The following NRG3 variants were observed in gnomAD, a reference collection of about 807,000 sequenced individuals.
NRG3 encodes the protein pro-neuregulin-3, membrane-bound isoform.
In NRG3, 31 loss-of-function variants were observed where a neutral mutation model predicts 66.9. The observed-to-expected ratio is 0.46, with a 90% CI of 0.35 to 0.63. The LOEUF is 0.63. Ranked by LOEUF, NRG3 falls within the 20% of genes least tolerant of loss-of-function variation. The pLI is 0.00. For missense variants in NRG3, 910 were observed against 878.9 expected, an observed-to-expected ratio of 1.04 and a Z score of -0.45; for synonymous variants, 393 against 359.4, an observed-to-expected ratio of 1.09 and a Z score of -1.06.
chr10:82,974,429 A>C (rs1262137076), intron 7 of NRG3, among the ~76,000 whole-genome samples: 1 of 152,170 alleles, frequency 6.6e-6, no homozygotes, highest in African/African-American at 2.4e-5. Flanking sequence ...TGCTTTGGAG[A>C]AAAAGCCAAA....
Position 82,216,451 on chromosome 10 carries a change from T to TA in NRG3, c.824-142288_824-142287insA, listed in dbSNP as rs759427719. Reference sequence around the variant, plus strand: ...AGATAGTAGAAATTAGAAAATACATTTTATATATATGTGTGTGTGTGTGTG... The same window carrying TA: ...AGATAGTAGAAATTAGAAAATACATTATTATATATATGTGTGTGTGTGTGTG... On this transcript the variant is annotated intron_variant, in intron 1 of 8. Coordinates refer to ENST00000372141, the MANE Select transcript of NRG3 (RefSeq NM_001010848.4). 1.4e-3 allele frequency among the ~76,000 whole-genome samples: 193 copies of TA among 138,076 alleles called. 1 individual carries two copies. Among genetic ancestry groups the TA allele is most frequent in the African/African-American group, 2.8e-3 (96 of 34,016 alleles). 90.6% of individuals were successfully genotyped at this position (138,076 alleles called of 152,430 possible). A position where few individuals can be genotyped will look rare whatever the true frequency, so the allele number is the denominator to read the frequency against.
At chr10:82,408,097 A>AAG (rs1184780876) in intron 2 of NRG3, among the ~76,000 whole-genome samples, 14 of 122,878 alleles carry the variant, frequency 1.1e-4, no homozygotes, top group African/African-American at 4.5e-4. Context: ...GAAAGAAAGA[A>AAG]AGAAAGAAAG....
At chr10:82,406,958 C>A (rs1445424241) in intron 2 of NRG3, among the ~76,000 whole-genome samples, 1 of 151,960 alleles carries the variant, frequency 6.6e-6, no homozygotes, top group Non-Finnish European at 1.5e-5. Flanking sequence ...CATTACTATT[C>A]TTTTTATTAT....
chr10:82,964,449 G>A (rs1851005224), intron 6 of NRG3, among the ~76,000 whole-genome samples: 1 of 152,170 alleles, frequency 6.6e-6, no homozygotes, highest in Admixed American at 6.5e-5. Context: ...GTTTTGTGCT[G>A]TGCCTAGTGT....
chr10:82,815,885 T>C (rs1356509231), intron 3 of NRG3, among the ~76,000 whole-genome samples: 1 of 152,184 alleles, frequency 6.6e-6, no homozygotes, highest in Non-Finnish European at 1.5e-5. Context: ...GTGCACTGGC[T>C]AGGCATGCTG....
intron 1 of NRG3, among the ~76,000 whole-genome samples, chr10:81,909,408 G>A (rs1844906827): frequency 6.6e-6 from 1 of 152,142 alleles, no homozygotes; most frequent in Admixed American, 6.6e-5. Flanking sequence ...ATGAGTGGTG[G>A]TAATGGAGAT....
chr10:82,786,926 C>T lies in NRG3; in HGVS notation c.1027+48276C>T, dbSNP rs562223478. On this transcript the variant is annotated intron_variant, in intron 3 of 8. Transcript: ENST00000372141. Reference sequence around the variant, plus strand: ...TGTCTTGCCCTTCCACCTTCCACTACGGTATGATGCAGCAAGAAGGCTCTC... The same window carrying T: ...TGTCTTGCCCTTCCACCTTCCACTATGGTATGATGCAGCAAGAAGGCTCTC... Among the ~76,000 whole-genome samples the T allele has an allele frequency of 7.2e-5, 11 of 152,178 alleles. No homozygotes were observed. The South Asian group carries it at 1.7e-3, about 23-fold the overall frequency.
chr10:82,038,174 A>C (rs75990957), intron 1 of NRG3, among the ~76,000 whole-genome samples: 4,567 of 152,244 alleles, frequency 0.03, 237 homozygotes, highest in African/African-American at 0.11. Context: ...CAACATTAAG[A>C]GTTCTGAGCA....
At chr10:81,985,054 C>T (rs17726679) in intron 1 of NRG3, among the ~76,000 whole-genome samples, 5,881 of 152,226 alleles carry the variant, frequency 0.039, 146 homozygotes, top group Non-Finnish European at 0.055. Flanking sequence ...GGGAAGGGAC[C>T]AGAGAACAGG....
chr10:82,761,094 A>T (rs1011485510), intron 3 of NRG3, among the ~76,000 whole-genome samples: 20 of 151,888 alleles, frequency 1.3e-4, no homozygotes, highest in African/African-American at 4.3e-4. Context: ...TGAGCTAATT[A>T]TAAAAAAAAC....
chr10:82,894,344 T>A (rs2131823874), intron 4 of NRG3, among the ~76,000 whole-genome samples: 1 of 152,310 alleles, frequency 6.6e-6, no homozygotes, highest in Admixed American at 6.5e-5. Context: ...AAGCCTAGCA[T>A]ATATTTTTTT....
At chr10:82,330,230 A>G (rs2082078270) in intron 1 of NRG3, among the ~76,000 whole-genome samples, 1 of 152,196 alleles carries the variant, frequency 6.6e-6, no homozygotes, top group South Asian at 2.1e-4. Context: ...AAAAATTAGA[A>G]GCTTCTGAAT....
At chr10:82,264,725 C>A (rs1262221809) in intron 1 of NRG3, among the ~76,000 whole-genome samples, 2 of 152,042 alleles carry the variant, frequency 1.3e-5, no homozygotes, top group East Asian at 1.9e-4. Flanking sequence ...ATGAGGACAT[C>A]CTAATGGCCA....
chr10:82,303,315 A>G (rs910261772), intron 1 of NRG3, among the ~76,000 whole-genome samples: 1 of 145,520 alleles, frequency 6.9e-6, no homozygotes, highest in Non-Finnish European at 1.5e-5. Context: ...TTATTCATTT[A>G]CATACTACTG....
At chr10:81,941,394 T>TGGGTAC (rs1158308774) in intron 1 of NRG3, among the ~76,000 whole-genome samples, 3 of 152,144 alleles carry the variant, frequency 2.0e-5, no homozygotes, top group Non-Finnish European at 4.4e-5. Flanking sequence ...AAATGTGCAT[T>TGGGTAC]TCTGAGTGGA....
intron 2 of NRG3, among the ~76,000 whole-genome samples, chr10:82,521,986 C>T (rs570126724): frequency 6.0e-5 from 9 of 150,972 alleles, no homozygotes; most frequent in South Asian, 2.1e-4. Context: ...CTACCCCTAA[C>T]TCTAGTTTTG....
At position 82,011,423 on chromosome 10, in the gene NRG3, A is replaced by G. The variant is rs564963917; in HGVS notation, c.823+135260A>G. 1.2e-4 allele frequency among the ~76,000 whole-genome samples: 18 copies of G among 152,272 alleles called. No homozygotes were observed. In the South Asian group the frequency reaches 3.3e-3, roughly 28 times the overall value. ...TTTGGGTGGGGACACAGAGCCAACC[A>G]TATCATTCCACCCCCGGCCCCTCTC... On this transcript the variant is annotated intron_variant, in intron 1 of 8. Coordinates refer to ENST00000372141, the MANE Select transcript of NRG3 (RefSeq NM_001010848.4).
chr10:82,536,737 G>A (rs1336985741), intron 2 of NRG3, among the ~76,000 whole-genome samples: 1 of 152,016 alleles, frequency 6.6e-6, no homozygotes, highest in Non-Finnish European at 1.5e-5. Context: ...TAATTCAGAG[G>A]GGATTCATCA....
chr10:82,371,489 G>C (rs1013348529), intron 2 of NRG3, among the ~76,000 whole-genome samples: 3 of 152,150 alleles, frequency 2.0e-5, no homozygotes, highest in African/African-American at 7.2e-5. Context: ...CCACTGTAAA[G>C]TGGTAAGAAT....
Sources: gnomAD v4.1 joint callset for allele counts (sites outside exome capture counted in the v4.1 genomes callset) on GRCh38, gnomAD v4.1.1 for gene constraint, MANE v1.5 for transcripts, NCBI Gene and HGNC (gene_info 2026-07-23, HGNC 2026-07-21) for gene names.